ITFG2: variants seen among roughly 807,000 people sequenced by gnomAD.
ITFG2 encodes KICSTOR complex protein ITFG2.
ITFG2 carries 36 observed loss-of-function variants against 54.4 expected under a neutral mutation model. The observed-to-expected ratio is 0.66, with a 90% CI of 0.51 to 0.87. The LOEUF (loss-of-function observed/expected upper bound fraction) is 0.87. ITFG2 is among the 40% of genes least tolerant of loss of function. The pLI is 0.00. For missense variants in ITFG2, 524 were observed against 576.7 expected (o/e 0.91, Z 0.94); for synonymous variants, 211 against 225.4 (o/e 0.94, Z 0.57).
intron 2 of ITFG2, among the ~76,000 whole-genome samples, chr12:2,851,857 G>A (rs1409154219): frequency 6.7e-6 from 1 of 149,782 alleles, no homozygotes; most frequent in Non-Finnish European, 1.5e-5. Context: ...TTTTGTATTT[G>A]TAGTAGAGAG....
chr12:2,858,894 G>A lies in ITFG2; in HGVS notation n.620+563G>A, dbSNP rs138730141. The A allele has an allele frequency of 4.2e-5, 68 of 1,614,032 alleles. No individual in the cohort carries two copies. In the African/African-American group the frequency reaches 8.0e-4, roughly 19 times the overall value. On this transcript the variant is annotated intron_variant and non_coding_transcript_variant, in intron 3 of 3. Transcript: ENST00000537710. ...GACGGAGATGAGGTCTAAGGGTTCTGAACTGAGGAGCCTTTGCGGTGATTC... is the reference window on the plus strand; with the variant it reads ...GACGGAGATGAGGTCTAAGGGTTCTAAACTGAGGAGCCTTTGCGGTGATTC...
At chr12:2,833,666 TC>T (rs1191103404), upstream of ITFG2, among the ~76,000 whole-genome samples, 1 of 152,052 alleles carries the variant, frequency 6.6e-6, no homozygotes, top group Non-Finnish European at 1.5e-5. Context: ...ACAAAGGATT[TC>T]CTCTCTTCCA....
intron 3 of ITFG2, chr12:2,858,467 G>A (rs1215500233): frequency 8.3e-6 from 5 of 600,348 alleles, no homozygotes; most frequent in Non-Finnish European, 1.5e-5. Context: ...GGAACACAAG[G>A]TCCCAGCAGT....
intron 2 of ITFG2, among the ~76,000 whole-genome samples, chr12:2,856,783 C>T (rs1181573425): frequency 1.3e-5 from 2 of 152,158 alleles, no homozygotes; most frequent in Non-Finnish European, 2.9e-5. Flanking sequence ...GGCATCTCCT[C>T]TCTGTTCTGA....
At chr12:2,842,323 A>G (rs906620452) in intron 2 of ITFG2, among the ~76,000 whole-genome samples, 1 of 149,492 alleles carries the variant, frequency 6.7e-6, no homozygotes, top group Non-Finnish European at 1.5e-5. Context: ...GAGTTTCACC[A>G]TATTAGCCAG....
rs138483186 is a variant in ITFG2, at chr12:2,822,876, T to G, written c.1031T>G (p.Phe344Cys). 1.4e-4 allele frequency: 218 copies of G among 1,614,008 alleles called. No individual in the cohort carries two copies. Among genetic ancestry groups the G allele is most frequent in the Non-Finnish European group, 1.7e-4 (205 of 1,180,032 alleles). Reference protein sequence around the residue: ...IIDHNRTVVRFQVDENIRAFC... With the variant: ...IIDHNRTVVRCQVDENIRAFC... ...GATCACAACCGCACCGTCGTCCGCT[T>G]CCAAGTGGATGAAAATATCCGTGCC... Residue 344 changes from phenylalanine to cysteine, a missense_variant, in exon 10 of 12, where the codon TTC becomes TGC. By Grantham distance (205) the Phe-to-Cys change is radical. Transcript: ENST00000228799.
In ITFG2 at chr12:2,850,598, G is replaced by T. The variant is rs115240480; in HGVS notation, n.301-7414G>T. 5.0e-3 allele frequency among the ~76,000 whole-genome samples: 755 copies of T among 152,170 alleles called. 8 individuals are homozygous for T. The highest frequency in any genetic ancestry group is 0.016 in the African/African-American group (677 of 41,512). ...TCTCATTCTATGTCTGAAGTCCTCT[G>T]GGTCCCTACAGCTTCAGTGCTTCAG... On this transcript the variant is annotated intron_variant and non_coding_transcript_variant, in intron 2 of 3. Coordinates refer to the ITFG2 transcript ENST00000537710.
Position 2,818,104 on chromosome 12 carries a change from A to G in ITFG2, c.235-2A>G. The stretch of plus-strand genomic sequence containing the variant: ...TCTCTACTATACCTCTGTTTGTCCT[A>G]GAACCTGTTGGTGGCAGTGAGTGCT... On this transcript the variant is annotated splice_acceptor_variant, in intron 3 of 11. Coordinates refer to ENST00000228799, the MANE Select transcript of ITFG2 (RefSeq NM_018463.4). LOFTEE classifies it high-confidence loss of function. 6.2e-7 allele frequency: 1 copy of G among 1,613,966 alleles called. No individual in the cohort carries two copies. The highest frequency in any genetic ancestry group is 8.5e-7 in the Non-Finnish European group (1 of 1,179,864).
chr12:2,822,219 G>A (rs2153924788), intron 9 of ITFG2, among the ~76,000 whole-genome samples: 1 of 152,276 alleles, frequency 6.6e-6, no homozygotes, highest in Middle Eastern at 3.4e-3. Context: ...ACTGTGCCTG[G>A]CCGTAAGTCT....
At chr12:2,833,962 C>A (rs1410993077), upstream of ITFG2, among the ~76,000 whole-genome samples, 2 of 152,212 alleles carry the variant, frequency 1.3e-5, no homozygotes, top group Non-Finnish European at 2.9e-5. Flanking sequence ...TCAGCATTGC[C>A]TCTCAGAGGG....
downstream of ITFG2, among the ~76,000 whole-genome samples, chr12:2,829,027 C>G (rs527270495): frequency 4.0e-5 from 6 of 151,856 alleles, no homozygotes; most frequent in Admixed American, 3.9e-4. Flanking sequence ...TAGCAAGACT[C>G]TGTCTCTACA....
chr12:2,839,722 T>A (rs979871394), intron 1 of ITFG2, among the ~76,000 whole-genome samples: 1 of 152,068 alleles, frequency 6.6e-6, no homozygotes, highest in Admixed American at 6.6e-5. Context: ...ATTTATAACC[T>A]CAGGTGGTGG....
chr12:2,858,550 G>T, intron 3 of ITFG2: 2 of 1,167,028 alleles, frequency 1.7e-6, no homozygotes, highest in Non-Finnish European at 2.4e-6. Context: ...GTCCCTGCCT[G>T]CTGTCCTCAC....
intron 1 of ITFG2, among the ~76,000 whole-genome samples, chr12:2,816,335 T>C (rs1390395669): frequency 1.3e-5 from 2 of 148,896 alleles, no homozygotes; most frequent in African/African-American, 4.9e-5. Flanking sequence ...ACAGCCTTTT[T>C]TTTTTTTTTT....
chr12:2,842,294 T>G lies in ITFG2; in HGVS notation n.300+1299T>G, dbSNP rs2098043250. ...GTGCCACCACGCCCAGCTATTTTTT[T>G]GTATTTTTAGTAGAGACAGAGTTTC... is the stretch of plus-strand genomic sequence containing the variant. On this transcript the variant is annotated intron_variant and non_coding_transcript_variant, in intron 2 of 3. Coordinates refer to the ITFG2 transcript ENST00000537710. Among the ~76,000 whole-genome samples the G allele has an allele frequency of 2.0e-5, 3 of 150,292 alleles. No individual in the cohort carries two copies. In the South Asian group the frequency reaches 6.3e-4, roughly 32 times the overall value.
intron 2 of ITFG2, chr12:2,830,526 G>A (rs1421629124): frequency 1.0e-5 from 6 of 572,190 alleles, no homozygotes; most frequent in South Asian, 5.1e-5. Context: ...GAGTTGCACC[G>A]AGGAGACATG....
intron 2 of ITFG2, chr12:2,855,189 G>T: frequency 6.6e-7 from 1 of 1,508,258 alleles, no homozygotes; most frequent in Non-Finnish European, 8.9e-7. Context: ...TGTCAGGCTG[G>T]GTGGGGAAGG....
intron 2 of ITFG2, chr12:2,830,749 TC>T: frequency 6.2e-7 from 1 of 1,613,812 alleles, no homozygotes. Flanking sequence ...GTCCTGCTGG[TC>T]TTCCTCCTGC....
chr12:2,822,717 C>T lies in ITFG2; in HGVS notation c.949-77C>T, dbSNP rs114535951. The T allele has an allele frequency of 1.1e-4, 144 of 1,270,334 alleles. 3 individuals are homozygous for T. The African/African-American group carries it at 2.0e-3, about 18-fold the overall frequency. 78.7% of individuals were successfully genotyped at this position (1,270,334 alleles called of 1,614,324 possible). On this transcript the variant is annotated intron_variant, in intron 9 of 11. Coordinates refer to ENST00000228799, the MANE Select transcript of ITFG2 (RefSeq NM_018463.4). ...ACTGCCGAACCCACGGGTGAAATTC[C>T]TCCCCAGCTCGCTGTTTGTCATCCA...
Sources: gnomAD v4.1 joint callset for allele counts (sites outside exome capture counted in the v4.1 genomes callset) on GRCh38, gnomAD v4.1.1 for gene constraint, MANE v1.5 for transcripts, NCBI Gene and HGNC (gene_info 2026-07-23, HGNC 2026-07-21) for gene names.